MAP3K14: variants seen among roughly 807,000 people sequenced by gnomAD.
MAP3K14 encodes the protein NF-kappa-beta-inducing kinase.
Under a neutral mutation model 99.2 loss-of-function variants are expected in MAP3K14, and 16 were observed. The observed-to-expected ratio is 0.16, with a 90% confidence interval of 0.11 to 0.24. The LOEUF (loss-of-function observed/expected upper bound fraction) is 0.24. Among genes scored for constraint, MAP3K14 ranks in the 10% least tolerant of loss-of-function variants. The pLI is 1.00. For missense variants in MAP3K14, 784 were observed against 1,208.7 expected, an observed-to-expected ratio of 0.65 and a Z score of 5.21; for synonymous variants, 462 against 492.4, an observed-to-expected ratio of 0.94 and a Z score of 0.82.
rs998426239 is a variant in MAP3K14 at position 45,263,596 on chromosome 17, A to G, written c.*1040T>C. On this transcript the variant is annotated 3_prime_UTR_variant, in exon 16 of 16. Transcript: ENST00000344686. ...CCTGCCCTGCCAGAGGGCAGCCATG[A>G]AAGTGCTTTGAGGTCATCAGAGTGC... 1 of 152,742 alleles carries G rather than the reference A, an allele frequency of 6.5e-6. No homozygotes were observed. Among genetic ancestry groups the G allele is most frequent in the Non-Finnish European group, 1.5e-5 (1 of 68,128 alleles). 9.5% of individuals were successfully genotyped at this position (152,742 alleles called of 1,614,324 possible). A position where few individuals can be genotyped will look rare whatever the true frequency, so the allele number is the denominator to read the frequency against.
intron 6 of MAP3K14, among the ~76,000 whole-genome samples, chr17:45,280,621 T>G (rs982582503): frequency 6.7e-6 from 1 of 149,258 alleles, no homozygotes; most frequent in Non-Finnish European, 1.5e-5. Flanking sequence ...GGTATTCTTT[T>G]ATTTTTGAGA....
At chr17:45,265,117 T>A (rs377023654) in intron 15 of MAP3K14, 46 bp downstream of exon 15, 1 of 1,469,798 alleles carries the variant, frequency 6.8e-7, no homozygotes, top group Non-Finnish European at 9.5e-7. Flanking sequence ...GCCAGCTGCA[T>A]TGGCTTCTGG....
chr17:45,315,165 C>T (rs1316701184), intron 1 of MAP3K14, among the ~76,000 whole-genome samples: 1 of 151,994 alleles, frequency 6.6e-6, no homozygotes, highest in Non-Finnish European at 1.5e-5. Context: ...GGAACCAAAC[C>T]TTCATCTGTT....
chr17:45,265,950 A>G lies in MAP3K14; in HGVS notation c.2578+587T>C, dbSNP rs116991992. On this transcript the variant is annotated intron_variant, in intron 14 of 15. Transcript: ENST00000344686. ...AGGATTCTTAAATTAGATTATGGGC[A>G]ATTTAGATTGTTGCCTGAGTTGAAG... 3.6e-3 allele frequency among the ~76,000 whole-genome samples: 541 copies of G among 152,376 alleles called. 1 individual carries two copies. Among genetic ancestry groups the G allele is most frequent in the Non-Finnish European group, 6.1e-3 (412 of 68,032 alleles).
Position 45,286,941 on chromosome 17 carries a change from G to C in MAP3K14, c.642C>G (p.Gly214=). ...GLGQLCFKQL[G]EGLRPALPRS... ...GAGGCAGAGCCGGCCGTAGGCCCTC[G>C]CCAAGCTGCTTAAAACAGAGTTGCC... The change falls in exon 5 of 16, where the codon GGC becomes GGG. Residue 214 remains glycine, a synonymous_variant. Transcript: ENST00000344686. The surrounding 1 kb of genome is among the most constrained non-coding windows in gnomAD (Gnocchi z 4.1). 2 of 1,614,032 alleles carry C rather than the reference G, an allele frequency of 1.2e-6. No individual in the cohort carries two copies. The highest frequency in any genetic ancestry group is 1.7e-6 in the Non-Finnish European group (2 of 1,179,896).
intron 5 of MAP3K14, among the ~76,000 whole-genome samples, chr17:45,285,383 T>C (rs964475251): frequency 1.3e-5 from 2 of 152,040 alleles, no homozygotes; most frequent in African/African-American, 4.8e-5. Context: ...CCCAGCACTT[T>C]GGGAGGCCAA....
At chr17:45,289,677 A>C (rs1445075012) in intron 2 of MAP3K14, among the ~76,000 whole-genome samples, 1 of 152,250 alleles carries the variant, frequency 6.6e-6, no homozygotes, top group Non-Finnish European at 1.5e-5. Flanking sequence ...ATGTGTGTAC[A>C]TATAAGTGTG....
chr17:45,278,591 TAA>T (rs1405506681), intron 6 of MAP3K14, among the ~76,000 whole-genome samples: 2 of 151,986 alleles, frequency 1.3e-5, no homozygotes, highest in Non-Finnish European at 2.9e-5. Context: ...TCACTGGGTA[TAA>T]GAGATCACAG....
intron 10 of MAP3K14, 184 bp downstream of exon 10, chr17:45,270,874 C>A: frequency 1.1e-6 from 1 of 895,056 alleles, no homozygotes; most frequent in Non-Finnish European, 1.7e-6. Context: ...TGGTGAGCCT[C>A]CGCAGCTGGA....
intron 1 of MAP3K14, among the ~76,000 whole-genome samples, chr17:45,310,263 T>C (rs1399281543): frequency 1.3e-5 from 2 of 151,914 alleles, no homozygotes; most frequent in Non-Finnish European, 2.9e-5. Flanking sequence ...CTCAATCTCT[T>C]GACCTTGTGA....
At chr17:45,298,353 A>C (rs2044361303) in intron 1 of MAP3K14, among the ~76,000 whole-genome samples, 1 of 152,230 alleles carries the variant, frequency 6.6e-6, no homozygotes, top group Non-Finnish European at 1.5e-5. Flanking sequence ...GAAATAAGGC[A>C]AAATATTAGC....
chr17:45,302,521 T>C (rs2044398195), intron 1 of MAP3K14, among the ~76,000 whole-genome samples: 1 of 152,160 alleles, frequency 6.6e-6, no homozygotes, highest in Non-Finnish European at 1.5e-5. Context: ...TTGGCCAGGC[T>C]GGTCTCAAAC....
At chr17:45,280,261 A>T (rs1168042545) in intron 6 of MAP3K14, among the ~76,000 whole-genome samples, 1 of 152,108 alleles carries the variant, frequency 6.6e-6, no homozygotes, top group African/African-American at 2.4e-5. Flanking sequence ...ATTATTCTTT[A>T]AAAATGTGTG....
At chr17:45,283,121 C>T (rs1025910505) in intron 6 of MAP3K14, among the ~76,000 whole-genome samples, 2 of 152,202 alleles carry the variant, frequency 1.3e-5, no homozygotes, top group African/African-American at 4.8e-5. Flanking sequence ...TACCTTGTTG[C>T]CTGGGAGGAC....
chr17:45,297,715 T>C (rs1401422932), intron 1 of MAP3K14, among the ~76,000 whole-genome samples: 2 of 134,286 alleles, frequency 1.5e-5, no homozygotes, highest in African/African-American at 5.5e-5. Context: ...TTGGTTTAAA[T>C]CTTTTTTTTT....
At position 45,287,380 on chromosome 17, in the gene MAP3K14, C is replaced by G; in HGVS notation, c.327-16G>C. The G allele has an allele frequency of 6.2e-7, 1 of 1,611,146 alleles. No homozygotes were observed. Among genetic ancestry groups the G allele is most frequent in the South Asian group, 1.1e-5 (1 of 90,988 alleles). ...CTCGGACTGGCTGTCACAAAAGGGA[C>G]AGATTTGCATATTGAGCACGAGGAA... On this transcript the variant is annotated splice_polypyrimidine_tract_variant and intron_variant, in intron 3 of 15. Transcript: ENST00000344686.
At chr17:45,314,090 G>C (rs2044507941) in intron 1 of MAP3K14, among the ~76,000 whole-genome samples, 1 of 152,126 alleles carries the variant, frequency 6.6e-6, no homozygotes, top group Admixed American at 6.5e-5. Flanking sequence ...CTTTAAACTA[G>C]AATACAAAGA....
chr17:45,295,608 T>C (rs2044340921), intron 1 of MAP3K14, among the ~76,000 whole-genome samples: 1 of 152,198 alleles, frequency 6.6e-6, no homozygotes, highest in South Asian at 2.1e-4. Flanking sequence ...TAGGGAAGTG[T>C]AGTAGCACAC....
At chr17:45,303,193 A>G (rs2143857366) in intron 1 of MAP3K14, among the ~76,000 whole-genome samples, 1 of 152,340 alleles carries the variant, frequency 6.6e-6, no homozygotes, top group African/African-American at 2.4e-5. Context: ...CTAGTCTGGG[A>G]AACCCAAGGG....
Sources: gnomAD v4.1 joint callset for allele counts (sites outside exome capture counted in the v4.1 genomes callset) on GRCh38, gnomAD v4.1.1 for gene constraint, Gnocchi (gnomAD v3.1) non-coding constraint, MANE v1.5 for transcripts, NCBI Gene and HGNC (gene_info 2026-07-23, HGNC 2026-07-21) for gene names.